The following TRIO variants were observed in gnomAD, a reference collection of about 807,000 sequenced individuals.
TRIO encodes the protein trio Rho guanine nucleotide exchange factor, also known as triple functional domain protein.
Under a neutral mutation model 351.9 loss-of-function variants are expected in TRIO, and 58 were observed. That is an observed-to-expected ratio of 0.16 (90% CI 0.13 to 0.21). The LOEUF (loss-of-function observed/expected upper bound fraction) is 0.21. TRIO is among the 10% of genes least tolerant of loss of function. The probability of loss-of-function intolerance (pLI) is 1.00; values close to 1 mark genes in which losing one functional copy is unlikely to be tolerated. For synonymous variants in TRIO, 1,758 were observed against 1,595.7 expected, an observed-to-expected ratio of 1.10 and a Z score of -2.42; for missense variants, 3,201 against 4,027.8, an observed-to-expected ratio of 0.79 and a Z score of 5.56.
intron 1 of TRIO, among the ~76,000 whole-genome samples, chr5:14,156,757 G>A (rs560318801): frequency 6.6e-6 from 1 of 152,284 alleles, no homozygotes; most frequent in East Asian, 1.9e-4. Context: ...AGCAGTTAGT[G>A]GTCAGCTTCT....
chr5:14,275,327 T>C (rs1055980342), intron 2 of TRIO, among the ~76,000 whole-genome samples: 3 of 152,210 alleles, frequency 2.0e-5, no homozygotes, highest in Non-Finnish European at 4.4e-5. Context: ...GACCTACTAC[T>C]GTATTTTAAA....
chr5:14,359,882 A>C (rs1475315071), intron 13 of TRIO, among the ~76,000 whole-genome samples: 1 of 151,946 alleles, frequency 6.6e-6, no homozygotes, highest in Non-Finnish European at 1.5e-5. Context: ...TGCACACAGC[A>C]CTCCCTTGTC....
At chr5:14,367,020 C>T (rs1363458323) in intron 16 of TRIO, 41 bp downstream of exon 16, 1 of 1,610,956 alleles carries the variant, frequency 6.2e-7, no homozygotes, top group Non-Finnish European at 8.5e-7. Flanking sequence ...CTCTTTCATT[C>T]CTCAGGACAA....
intron 9 of TRIO, among the ~76,000 whole-genome samples, chr5:14,319,798 A>G (rs1581609882): frequency 6.6e-6 from 1 of 152,312 alleles, no homozygotes; most frequent in Middle Eastern, 3.4e-3. Flanking sequence ...GCCCTGAGGA[A>G]CTGAATGGGG....
intron 11 of TRIO, among the ~76,000 whole-genome samples, chr5:14,339,612 G>T (rs887538514): frequency 6.6e-6 from 1 of 152,162 alleles, no homozygotes; most frequent in Non-Finnish European, 1.5e-5. Context: ...ACGTAACCTG[G>T]GACCAAGGAG....
intron 20 of TRIO, among the ~76,000 whole-genome samples, chr5:14,380,002 C>G (rs943818434): frequency 3.3e-5 from 5 of 152,188 alleles, no homozygotes; most frequent in African/African-American, 7.2e-5. Context: ...ATCTCCCACT[C>G]TAGTCATTGC....
intron 46 of TRIO, 80 bp from the exon 47 acceptor site, chr5:14,484,989 C>A: frequency 7.3e-7 from 1 of 1,379,052 alleles, no homozygotes; most frequent in South Asian, 1.9e-5. Context: ...TTTTCTTTGT[C>A]CATTCATCGG....
At chr5:14,351,516 CAA>C (rs1743109511) in intron 11 of TRIO, among the ~76,000 whole-genome samples, 1 of 152,188 alleles carries the variant, frequency 6.6e-6, no homozygotes, top group Non-Finnish European at 1.5e-5. Context: ...TTGTCAAAAA[CAA>C]GAGTAGGGAA....
chr5:14,422,227 C>T (rs1483056763), intron 34 of TRIO, among the ~76,000 whole-genome samples: 1 of 152,228 alleles, frequency 6.6e-6, no homozygotes, highest in Non-Finnish European at 1.5e-5. Flanking sequence ...CCTTGCCTCA[C>T]CCTCGCTTCA....
chr5:14,226,906 G>GCTCTCCTCCTCCCTGGTTTTTGCAC (rs1793080717), intron 1 of TRIO, among the ~76,000 whole-genome samples: 1 of 152,214 alleles, frequency 6.6e-6, no homozygotes, highest in Non-Finnish European at 1.5e-5. Flanking sequence ...GGTTTCTGCA[G>GCTCTCCTCCTCCCTGGTTTTTGCAC]CTCTCCTCCC....
intron 34 of TRIO, chr5:14,440,850 A>C (rs1751972749): frequency 6.6e-6 from 1 of 152,202 alleles, no homozygotes; most frequent in Non-Finnish European, 1.5e-5. Context: ...CATTTCACTG[A>C]GTAAGGAAAT....
intron 1 of TRIO, among the ~76,000 whole-genome samples, chr5:14,190,649 G>A (rs549911258): frequency 6.6e-6 from 1 of 152,194 alleles, no homozygotes; most frequent in Non-Finnish European, 1.5e-5. Flanking sequence ...TGTCTTCTCC[G>A]ACTGCCCCTT....
intron 8 of TRIO, 53 bp from the exon 9 acceptor site, chr5:14,316,460 A>G: frequency 6.3e-7 from 1 of 1,589,976 alleles, no homozygotes; most frequent in East Asian, 2.3e-5. Context: ...TCTGTGGCAC[A>G]GCCTAGGCCA....
Position 14,471,412 on chromosome 5 carries a change from C to T in TRIO, c.5858C>T (p.Ser1953Phe). 1 of 1,614,214 alleles carries T rather than the reference C, an allele frequency of 6.2e-7. No homozygotes were observed. The highest frequency in any genetic ancestry group is 8.5e-7 in the Non-Finnish European group (1 of 1,180,032). The stretch of plus-strand genomic sequence containing the variant: ...TCGGATAATTCCCTTCTCTCTTCCT[C>T]CTCGCCCATTGATGAGATGGAAGAA... The part of the protein sequence containing the change: ...NPSDNSLLSS[S>F]SPIDEMEERK... The change falls in exon 38 of 57, where the codon TCC becomes TTC. Residue 1953 changes from serine to phenylalanine, a missense_variant. This residue lies in a region of TRIO where 307 missense variants were observed against 396.5 expected (regional missense o/e 0.77). Coordinates refer to ENST00000344204, the MANE Select transcript of TRIO (RefSeq NM_007118.4).
At chr5:14,349,599 G>A (rs1206666901) in intron 11 of TRIO, among the ~76,000 whole-genome samples, 1 of 152,166 alleles carries the variant, frequency 6.6e-6, no homozygotes, top group Non-Finnish European at 1.5e-5. Context: ...CCAAGTGGCA[G>A]TTCTACAAGA....
chr5:14,199,441 T>A (rs1479981585), intron 1 of TRIO, among the ~76,000 whole-genome samples: 1 of 152,218 alleles, frequency 6.6e-6, no homozygotes, highest in Non-Finnish European at 1.5e-5. Flanking sequence ...AAAATATTCT[T>A]TGTTGAATGA....
intron 13 of TRIO, among the ~76,000 whole-genome samples, chr5:14,362,075 T>A (rs1009322623): frequency 3.9e-5 from 6 of 152,148 alleles, no homozygotes; most frequent in Non-Finnish European, 8.8e-5. Flanking sequence ...GATTGCACCA[T>A]TGCACTCCAG....
chr5:14,212,753 A>G (rs1002060500), intron 1 of TRIO, among the ~76,000 whole-genome samples: 3 of 152,214 alleles, frequency 2.0e-5, no homozygotes, highest in African/African-American at 7.2e-5. Context: ...CCAGGAAGTT[A>G]GGGTTTGGCA....
chr5:14,173,269 G>A (rs550307275), intron 1 of TRIO, among the ~76,000 whole-genome samples: 4 of 147,526 alleles, frequency 2.7e-5, no homozygotes, highest in Non-Finnish European at 5.9e-5. Context: ...GGAGTGCAGT[G>A]GCGAGATCTA....
Sources: gnomAD v4.1 joint callset for allele counts (sites outside exome capture counted in the v4.1 genomes callset) on GRCh38, gnomAD v4.1.1 for gene constraint, gnomAD v4.1.1 regional missense constraint, MANE v1.5 for transcripts, NCBI Gene and HGNC (gene_info 2026-07-23, HGNC 2026-07-21) for gene names.